Variants in SYNE2 observed in about 807,000 individuals in gnomAD.
SYNE2 encodes nesprin-2.
SYNE2 carries 431 observed loss-of-function variants against 856.3 expected under a neutral mutation model. That is an observed-to-expected ratio of 0.50 (90% CI 0.47 to 0.55). SYNE2 has a LOEUF of 0.55. SYNE2 is among the 20% of genes least tolerant of loss of function. The probability of loss-of-function intolerance (pLI) is 0.00; values close to 1 mark genes in which losing one functional copy is unlikely to be tolerated. For missense variants in SYNE2, 8,129 were observed against 8,023.2 expected, an observed-to-expected ratio of 1.01 and a Z score of -0.50; for synonymous variants, 2,923 against 2,872.3, an observed-to-expected ratio of 1.02 and a Z score of -0.56.
intron 45 of SYNE2, among the ~76,000 whole-genome samples, chr14:64,040,466 G>T (rs1050583218): frequency 2.6e-5 from 4 of 151,734 alleles, no homozygotes; most frequent in Non-Finnish European, 5.9e-5. Context: ...AATGTAGATT[G>T]CTTTGGCCAA....
At chr14:64,216,417 C>T in intron 108 of SYNE2, 30 bp downstream of exon 108, 2 of 1,610,128 alleles carry the variant, frequency 1.2e-6, no homozygotes, top group South Asian at 2.2e-5. Context: ...GGAGTACAGC[C>T]TATGTCTGTG....
At position 63,766,693 on chromosome 14, in the gene SYNE2, T is replaced by A. The variant is rs113792869; in HGVS notation, c.-305+4707T>A. ...ATTCTGGGACAACGTTGTTTAAACT[T>A]TTCAGTCTGTAGACCACTTCAGGGG... On this transcript the variant is annotated intron_variant, in intron 1 of 23. Transcript: ENST00000674003. Among the ~76,000 whole-genome samples, 189 of 152,312 alleles carry A rather than the reference T, an allele frequency of 1.2e-3. 1 individual carries two copies. Among genetic ancestry groups the A allele is most frequent in the African/African-American group, 4.2e-3 (175 of 41,564 alleles).
rs1555468389 is a variant in SYNE2, at chr14:64,080,064, T to TGTGC, written c.11164-391_11164-390insTGCG. On this transcript the variant is annotated intron_variant, in intron 55 of 115. Transcript: ENST00000555002. ...GAGAGCGTGTGTGTGTGTGTGTGTG[T>TGTGC]GCGCGTGCGTGTGTGTGTATGAACT... 1.2e-3 allele frequency among the ~76,000 whole-genome samples: 175 copies of TGTGC among 151,620 alleles called. 1 individual carries two copies. The highest frequency in any genetic ancestry group is 3.4e-3 in the Middle Eastern group (1 of 294).
intron 30 of SYNE2, among the ~76,000 whole-genome samples, chr14:64,004,637 C>G (rs1241142947): frequency 2.6e-5 from 4 of 152,128 alleles, no homozygotes; most frequent in South Asian, 4.1e-4. Context: ...GCCTCTTCCC[C>G]CCTTTCTAAA....
At chr14:63,852,388 C>T (rs1161672919), upstream of SYNE2, among the ~76,000 whole-genome samples, 2 of 152,078 alleles carry the variant, frequency 1.3e-5, no homozygotes, top group African/African-American at 2.4e-5. Flanking sequence ...AGTTTTCAGA[C>T]CTGGATGATG....
At chr14:63,881,070 G>C (rs944602295) in intron 1 of SYNE2, among the ~76,000 whole-genome samples, 1 of 151,652 alleles carries the variant, frequency 6.6e-6, no homozygotes, top group African/African-American at 2.4e-5. Context: ...GGCTGGTCTC[G>C]AACCCCTGAC....
chr14:64,119,345 AAG>A (rs1238636556), intron 66 of SYNE2, 80 bp from the exon 67 acceptor site: 6 of 1,558,736 alleles, frequency 3.8e-6, no homozygotes, highest in Non-Finnish European at 5.3e-6. Flanking sequence ...CTTAAGTAAA[AAG>A]AGTAAGTCTT....
rs2096968009 is a variant in SYNE2, at chr14:64,025,145, T to C, written c.5976T>C (p.Ser1992=). 1.9e-6 allele frequency: 3 copies of C among 1,614,004 alleles called. No individual in the cohort carries two copies. In the South Asian group the frequency reaches 3.3e-5, roughly 18 times the overall value. ...ALARKREQFE[S]VAQLNNSLKE... is the part of the protein sequence containing the mutation. ...GAATTTACAGGGAACAGTTTGAATC[T>C]GTGGCCCAATTGAACAACTCTTTGA... is the stretch of plus-strand genomic sequence containing the variant. Residue 1992 remains serine (S), a synonymous_variant, in exon 41 of 116, where the codon TCT becomes TCC. Transcript: ENST00000555002.
chr14:63,920,091 A>G (rs2095581684), intron 2 of SYNE2, among the ~76,000 whole-genome samples: 1 of 151,078 alleles, frequency 6.6e-6, no homozygotes. Context: ...TCATTATTCA[A>G]CAAATATTTT....
intron 2 of SYNE2, among the ~76,000 whole-genome samples, chr14:63,914,406 C>T (rs1416768240): frequency 6.6e-6 from 1 of 152,142 alleles, no homozygotes; most frequent in Non-Finnish European, 1.5e-5. Flanking sequence ...GGGGTTTTTG[C>T]TTTTAGGCAG....
intron 103 of SYNE2, among the ~76,000 whole-genome samples, chr14:64,211,384 C>T (rs2098640229): frequency 6.6e-6 from 1 of 152,152 alleles, no homozygotes; most frequent in Admixed American, 6.5e-5. Flanking sequence ...GAAGCAGTAA[C>T]CTGAGAGGCA....
chr14:63,922,579 C>T (rs1868797534), intron 2 of SYNE2, among the ~76,000 whole-genome samples: 1 of 152,102 alleles, frequency 6.6e-6, no homozygotes, highest in African/African-American at 2.4e-5. Context: ...AGCTTGAGCT[C>T]AGGAGTTTGA....
chr14:64,224,762 TC>T (rs35060163), intron 114 of SYNE2, among the ~76,000 whole-genome samples: 1 of 152,108 alleles, frequency 6.6e-6, no homozygotes, highest in African/African-American at 2.4e-5. Flanking sequence ...CTAAAGGGGT[TC>T]CCTGATTTTG....
intron 27 of SYNE2, among the ~76,000 whole-genome samples, chr14:63,999,986 A>G (rs1238594465): frequency 1.3e-5 from 2 of 152,244 alleles, no homozygotes; most frequent in African/African-American, 4.8e-5. Context: ...GTTGGTTAGA[A>G]AAACTATACT....
At chr14:63,835,919 G>A (rs1889843718) in intron 1 of SYNE2, among the ~76,000 whole-genome samples, 1 of 149,986 alleles carries the variant, frequency 6.7e-6, no homozygotes, top group Admixed American at 6.7e-5. Flanking sequence ...GGAGGCAGAG[G>A]TTGCAGTGAG....
At chr14:64,007,311 C>T (rs1224097845) in intron 31 of SYNE2, 89 bp downstream of exon 31, 6 of 1,220,040 alleles carry the variant, frequency 4.9e-6, no homozygotes, top group Non-Finnish European at 7.3e-6. Flanking sequence ...AAACACATCT[C>T]CGTGGACCCA....
chr14:63,799,508 C>T (rs1888048330), intron 1 of SYNE2, among the ~76,000 whole-genome samples: 1 of 150,588 alleles, frequency 6.6e-6, no homozygotes, highest in Non-Finnish European at 1.5e-5. Flanking sequence ...CTGGGCAACA[C>T]AGTGAAACCC....
upstream of SYNE2, among the ~76,000 whole-genome samples, chr14:63,851,993 G>GGGGGAA (rs1890539724): frequency 5.4e-5 from 1 of 18,510 alleles, no homozygotes; most frequent in Non-Finnish European, 9.3e-5. Context: ...GGGGGGGGGG[G>GGGGGAA]AATGAAATGG....
Position 63,774,952 on chromosome 14 carries a change from A to T in SYNE2, c.-305+12966A>T, listed in dbSNP as rs185884462. On this transcript the variant is annotated intron_variant, in intron 1 of 23. Coordinates refer to the SYNE2 transcript ENST00000674003. ...GGGCAATCTGCCAGTATTTTAATTTAATTTTATTTATTTATTTATTTACTT... is the reference window on the plus strand; with the variant it reads ...GGGCAATCTGCCAGTATTTTAATTTTATTTTATTTATTTATTTATTTACTT... Among the ~76,000 whole-genome samples, 569 of 152,052 alleles carry T rather than the reference A, an allele frequency of 3.7e-3. 5 individuals carry two copies. The highest frequency in any genetic ancestry group is 0.034 in the Middle Eastern group (10 of 294).
Sources: allele counts gnomAD v4.1 joint callset (sites outside exome capture counted in the v4.1 genomes callset), GRCh38; gene constraint gnomAD v4.1.1; transcripts MANE v1.5; gene names NCBI Gene and HGNC (gene_info 2026-07-23, HGNC 2026-07-21).